The following RAPGEF5 variants were observed in gnomAD, a reference collection of about 807,000 sequenced individuals.
RAPGEF5 encodes the protein Rap guanine nucleotide exchange factor 5, also known as M-Ras-regulated GEF.
Under a neutral mutation model 125.2 loss-of-function variants are expected in RAPGEF5, and 65 were observed. The ratio of observed to expected loss-of-function variants is 0.52; its 90% CI spans 0.43 to 0.64. The LOEUF is 0.64. RAPGEF5 is among the 30% of genes least tolerant of loss of function. RAPGEF5 has a pLI of 0.00. For synonymous variants in RAPGEF5, 391 were observed against 385.9 expected, an observed-to-expected ratio of 1.01 and a Z score of -0.16; for missense variants, 958 against 1,048.1, an observed-to-expected ratio of 0.91 and a Z score of 1.19.
intron 1 of RAPGEF5, among the ~76,000 whole-genome samples, chr7:22,336,615 C>T (rs558005867): frequency 1.3e-5 from 2 of 152,258 alleles, no homozygotes; most frequent in Admixed American, 1.3e-4. Context: ...AAACTCCAAC[C>T]AGCCTGTGCA....
intron 1 of RAPGEF5, among the ~76,000 whole-genome samples, chr7:22,343,863 A>G (rs1207850044): frequency 6.6e-6 from 1 of 152,190 alleles, no homozygotes; most frequent in Non-Finnish European, 1.5e-5. Flanking sequence ...AAGGTTTTAT[A>G]ATTCCTGCGT....
intron 9 of RAPGEF5, among the ~76,000 whole-genome samples, chr7:22,207,227 A>G (rs1562761570): frequency 6.6e-6 from 1 of 152,268 alleles, no homozygotes; most frequent in Non-Finnish European, 1.5e-5. Flanking sequence ...AAACTAGCAC[A>G]AGCTTTTTGG....
chr7:22,303,407 A>G (rs1247621286), intron 5 of RAPGEF5, among the ~76,000 whole-genome samples: 1 of 152,214 alleles, frequency 6.6e-6, no homozygotes, highest in Non-Finnish European at 1.5e-5. Context: ...TAGCTTAGAA[A>G]ACTTCCAACA....
chr7:22,274,021 A>C (rs1782501416), intron 6 of RAPGEF5, among the ~76,000 whole-genome samples: 1 of 151,808 alleles, frequency 6.6e-6, no homozygotes, highest in Non-Finnish European at 1.5e-5. Context: ...CTTGACTATT[A>C]CTCACTCCCT....
At chr7:22,202,823 C>T (rs1785310057) in intron 9 of RAPGEF5, 1 of 207,616 alleles carries the variant, frequency 4.8e-6, no homozygotes, top group Admixed American at 5.6e-5. Context: ...GGTGGTCTAT[C>T]TCTCTGAGCA....
At chr7:22,138,773 C>T (rs887552346) in intron 21 of RAPGEF5, among the ~76,000 whole-genome samples, 3 of 152,250 alleles carry the variant, frequency 2.0e-5, no homozygotes, top group African/African-American at 7.2e-5. Flanking sequence ...GCAGATTAAA[C>T]ATAAGCTGGT....
chr7:22,275,205 C>A (rs1474593828), intron 6 of RAPGEF5, among the ~76,000 whole-genome samples: 1 of 152,184 alleles, frequency 6.6e-6, no homozygotes, highest in Admixed American at 6.5e-5. Flanking sequence ...TGTTTATACT[C>A]CAATAGCACT....
intron 24 of RAPGEF5, among the ~76,000 whole-genome samples, chr7:22,127,475 G>T (rs10260018): frequency 6.6e-6 from 1 of 152,050 alleles, no homozygotes; most frequent in Admixed American, 6.5e-5. Flanking sequence ...AAGCATATAC[G>T]TATATGCCAT....
chr7:22,247,669 T>C (rs1425683710), intron 7 of RAPGEF5, among the ~76,000 whole-genome samples: 2 of 151,974 alleles, frequency 1.3e-5, no homozygotes, highest in African/African-American at 4.8e-5. Flanking sequence ...TTACCCTGTC[T>C]AGGGTATTTC....
At chr7:22,344,526 G>C (rs1311054425) in intron 1 of RAPGEF5, among the ~76,000 whole-genome samples, 1 of 152,154 alleles carries the variant, frequency 6.6e-6, no homozygotes, top group Non-Finnish European at 1.5e-5. Flanking sequence ...GCACCACAGA[G>C]AAAAAGAGAG....
At chr7:22,230,967 T>C in intron 7 of RAPGEF5, 48 bp from the exon 8 acceptor site, 1 of 1,510,378 alleles carries the variant, frequency 6.6e-7, no homozygotes, top group Non-Finnish European at 9.0e-7. Context: ...ATACAAAAAA[T>C]GCTTCAGATA....
intron 7 of RAPGEF5, among the ~76,000 whole-genome samples, chr7:22,258,752 A>T (rs1319782592): frequency 6.6e-6 from 1 of 152,108 alleles, no homozygotes; most frequent in African/African-American, 2.4e-5. Flanking sequence ...TAATAGGGAA[A>T]AGACTGTCTT....
At chr7:22,132,097 A>C (rs1349388631) in intron 23 of RAPGEF5, among the ~76,000 whole-genome samples, 1 of 152,244 alleles carries the variant, frequency 6.6e-6, no homozygotes, top group Non-Finnish European at 1.5e-5. Flanking sequence ...CCTGATAGAA[A>C]AGAGGGGAAA....
intron 11 of RAPGEF5, among the ~76,000 whole-genome samples, chr7:22,189,389 T>G (rs565567885): frequency 3.9e-5 from 6 of 152,248 alleles, no homozygotes; most frequent in African/African-American, 1.2e-4. Context: ...CAAAACACAC[T>G]TTATCCTCTC....
chr7:22,283,495 C>G (rs1429248592), intron 6 of RAPGEF5, among the ~76,000 whole-genome samples: 1 of 152,144 alleles, frequency 6.6e-6, no homozygotes, highest in Non-Finnish European at 1.5e-5. Flanking sequence ...GTATGCAAAA[C>G]TTACATTTCA....
chr7:22,334,252 A>G (rs897848434), intron 1 of RAPGEF5, among the ~76,000 whole-genome samples: 2 of 148,254 alleles, frequency 1.3e-5, no homozygotes, highest in African/African-American at 4.9e-5. Context: ...TCATTCAACA[A>G]AACAATAGGA....
chr7:22,275,540 CTGTCCACAGTGGAAA>C (rs1032039133), intron 6 of RAPGEF5, among the ~76,000 whole-genome samples: 3 of 152,212 alleles, frequency 2.0e-5, no homozygotes, highest in African/African-American at 4.8e-5. Flanking sequence ...ATACCCAGAA[CTGTCCACAGTGGAAA>C]TGGTCTATTG....
Position 22,167,057 on chromosome 7 carries a change from T to C in RAPGEF5, c.1283+13A>G, listed in dbSNP as rs759302916. On this transcript the variant is annotated intron_variant, in intron 12 of 25. Transcript: ENST00000665637. The stretch of plus-strand genomic sequence containing the variant: ...GGAAGTGGACACAGCAGCCTGAAGA[T>C]AATGAAGGATATTGCCTTAACAGAG... The C allele has an allele frequency of 6.3e-7, 1 of 1,596,144 alleles. No individual in the cohort carries two copies. The highest frequency in any genetic ancestry group is 8.6e-7 in the Non-Finnish European group (1 of 1,164,572).
At chr7:22,138,522 C>T (rs1165481431) in intron 21 of RAPGEF5, among the ~76,000 whole-genome samples, 1 of 152,182 alleles carries the variant, frequency 6.6e-6, no homozygotes, top group Non-Finnish European at 1.5e-5. Flanking sequence ...ATCCTGTGGT[C>T]ACCTCTACCT....
Sources: allele counts gnomAD v4.1 joint callset (sites outside exome capture counted in the v4.1 genomes callset), GRCh38; gene constraint gnomAD v4.1.1; transcripts MANE v1.5; gene names NCBI Gene and HGNC (gene_info 2026-07-23, HGNC 2026-07-21).